AHDC1: variants seen among roughly 807,000 people sequenced by gnomAD.
AHDC1 encodes the protein transcription factor Gibbin.
A neutral mutation model predicts 87.9 loss-of-function variants in AHDC1; 7 were observed. That is an observed-to-expected ratio of 0.08 (90% confidence interval 0.05 to 0.15). AHDC1 has a LOEUF of 0.15. Among genes scored for constraint, AHDC1 ranks in the 10% least tolerant of loss-of-function variants. The probability of loss-of-function intolerance (pLI) is 1.00; values close to 1 mark genes in which losing one functional copy is unlikely to be tolerated. For synonymous variants in AHDC1, 1,051 were observed against 1,006.8 expected, an observed-to-expected ratio of 1.04 and a Z score of -0.83; for missense variants, 1,841 against 2,253.2, an observed-to-expected ratio of 0.82 and a Z score of 3.70.
At chr1:27,594,651 G>A (rs2089315467) in intron 3 of AHDC1, among the ~76,000 whole-genome samples, 2 of 152,182 alleles carry the variant, frequency 1.3e-5, no homozygotes, top group African/African-American at 4.8e-5. Flanking sequence ...CCAGGCAGAG[G>A]AGGCTCTGGG....
rs2019451519 is a variant in AHDC1, at chr1:27,550,111, C to A, written c.2005G>T (p.Gly669Trp). The change falls in exon 8 of 9, where the codon GGG becomes TGG. Residue 669 changes from glycine (G) to tryptophan (W), a missense_variant. By Grantham distance (184) the Gly-to-Trp change is radical. Coordinates refer to ENST00000673934, the MANE Select transcript of AHDC1 (RefSeq NM_001371928.1). ...CCACCAAAACCGCCTGCTTTGCCCC[C>A]ACGCCGCCGGAAGCCCTGCACACGA... ...LHRVQGFRRR[G>W]GKAGGFGGRG... is the part of the protein sequence containing the mutation. The A allele has an allele frequency of 6.2e-7, 1 of 1,610,478 alleles. No individual in the cohort carries two copies. Among genetic ancestry groups the A allele is most frequent in the Non-Finnish European group, 8.5e-7 (1 of 1,179,812 alleles).
chr1:27,545,699 C>T (rs2019131657), intron 8 of AHDC1, among the ~76,000 whole-genome samples: 1 of 150,684 alleles, frequency 6.6e-6, no homozygotes, highest in Non-Finnish European at 1.5e-5. Context: ...AATGGAAGGC[C>T]ATTTTAATCT....
rs1571247436 is a variant in AHDC1 at position 27,552,168 on chromosome 1, T to G, written c.-53A>C. 1 of 1,426,508 alleles carries G rather than the reference T, an allele frequency of 7.0e-7. No individual in the cohort carries two copies. The highest frequency in any genetic ancestry group is 9.2e-7 in the Non-Finnish European group (1 of 1,092,480). The allele number at this position is 1,426,508 out of a possible 1,614,324, so 88.4% of individuals were successfully genotyped here. A position where few individuals can be genotyped will look rare whatever the true frequency, so the allele number is the denominator to read the frequency against. On this transcript the variant is annotated 5_prime_UTR_variant, in exon 8 of 9. Transcript: ENST00000673934. ...GGCGGGGCCGGGGCTGACATGAGGG[T>G]GCGAGAAGCCGGGACCAGGACCTGC...
intron 3 of AHDC1, among the ~76,000 whole-genome samples, chr1:27,591,587 G>A (rs1453666638): frequency 6.6e-6 from 1 of 152,210 alleles, no homozygotes; most frequent in Non-Finnish European, 1.5e-5. Context: ...CAGAGCTGAA[G>A]AGTTTATGGT....
chr1:27,601,226 A>G (rs1319194246), intron 3 of AHDC1, among the ~76,000 whole-genome samples: 2 of 152,280 alleles, frequency 1.3e-5, no homozygotes, highest in South Asian at 2.1e-4. Flanking sequence ...GGATTTTACT[A>G]CAGAAAATAA....
At chr1:27,596,587 C>A (rs552341448) in intron 3 of AHDC1, among the ~76,000 whole-genome samples, 2 of 152,128 alleles carry the variant, frequency 1.3e-5, no homozygotes, top group East Asian at 3.9e-4. Flanking sequence ...CCAATCCAGG[C>A]AACAGGCTCC....
chr1:27,592,103 T>C lies in AHDC1; in HGVS notation c.-629+11294A>G, dbSNP rs539722513. ...TCCCCTATTTGTTAAAGGCCTCTCA[T>C]TAGTGAGCCTAGGCACCTGCCCCTC... On this transcript the variant is annotated intron_variant, in intron 3 of 8. Coordinates refer to ENST00000673934, the MANE Select transcript of AHDC1 (RefSeq NM_001371928.1). 3.5e-4 allele frequency among the ~76,000 whole-genome samples: 53 copies of C among 152,254 alleles called. No homozygotes were observed. In the East Asian group the frequency reaches 9.4e-3, roughly 27 times the overall value.
At chr1:27,604,214 G>A (rs1307213835), upstream of AHDC1, 6 of 151,336 alleles carry the variant, frequency 4.0e-5, no homozygotes, top group Admixed American at 3.9e-4. Flanking sequence ...GGCACGCCGG[G>A]ACTTGTAGTC....
chr1:27,550,994 G>T lies in AHDC1; in HGVS notation c.1122C>A (p.Pro374=). 6.4e-7 allele frequency: 1 copy of T among 1,572,912 alleles called. No individual in the cohort carries two copies. The highest frequency in any genetic ancestry group is 1.4e-5 in the African/African-American group (1 of 74,024). Residue 374 remains proline (P), a synonymous_variant, in exon 8 of 9, where the codon CCC becomes CCA. Coordinates refer to ENST00000673934, the MANE Select transcript of AHDC1 (RefSeq NM_001371928.1). ...CGTACTTGGGGTGACCCTCAGGCCC[G>T]GGGGGGCCGTGCGGTGAGCACAAGT... ...RLDLCSPHGP[P]GPEGHPKYAL...
chr1:27,537,588 CCT>C (rs937606460), intron 8 of AHDC1, among the ~76,000 whole-genome samples: 3 of 152,206 alleles, frequency 2.0e-5, no homozygotes, highest in African/African-American at 7.2e-5. Context: ...CTTAGACCAC[CCT>C]GTTACCATAG....
At chr1:27,569,115 CCAGTGCA>C (rs2020459345) in intron 3 of AHDC1, among the ~76,000 whole-genome samples, 1 of 151,566 alleles carries the variant, frequency 6.6e-6, no homozygotes, top group South Asian at 2.1e-4. Flanking sequence ...CCCCCATCGC[CCAGTGCA>C]CAGCCCTGGG....
At chr1:27,597,003 C>A (rs2089393973) in intron 3 of AHDC1, among the ~76,000 whole-genome samples, 2 of 152,226 alleles carry the variant, frequency 1.3e-5, no homozygotes, top group African/African-American at 2.4e-5. Context: ...ATATGCCTCA[C>A]CACCTTTGAG....
intron 8 of AHDC1, among the ~76,000 whole-genome samples, chr1:27,540,862 T>C (rs1481985857): frequency 6.6e-6 from 1 of 151,582 alleles, no homozygotes; most frequent in Non-Finnish European, 1.5e-5. Flanking sequence ...GCCTTGATTT[T>C]ATAGGCAAGG....
At chr1:27,580,085 G>A (rs1180520215) in intron 3 of AHDC1, among the ~76,000 whole-genome samples, 1 of 152,164 alleles carries the variant, frequency 6.6e-6, no homozygotes, top group Non-Finnish European at 1.5e-5. Flanking sequence ...AACTCCCCTA[G>A]AGAGATCAAG....
chr1:27,559,416 C>T (rs1472709205), intron 3 of AHDC1, among the ~76,000 whole-genome samples: 2 of 152,204 alleles, frequency 1.3e-5, no homozygotes, highest in Non-Finnish European at 2.9e-5. Context: ...CATCTATGTA[C>T]ACACATGCAT....
At chr1:27,602,618 TA>T (rs1162424075) in intron 3 of AHDC1, among the ~76,000 whole-genome samples, 1 of 152,156 alleles carries the variant, frequency 6.6e-6, no homozygotes, top group African/African-American at 2.4e-5. Flanking sequence ...GCTCCCTGCC[TA>T]GGGGGCTGAC....
chr1:27,545,135 G>A lies in AHDC1; in HGVS notation c.*43+2126C>T, dbSNP rs554260080. Among the ~76,000 whole-genome samples the A allele has an allele frequency of 7.9e-5, 12 of 151,430 alleles. No homozygotes were observed. In the East Asian group the frequency reaches 1.4e-3, roughly 17 times the overall value. On this transcript the variant is annotated intron_variant, in intron 8 of 8. Transcript: ENST00000673934. The stretch of plus-strand genomic sequence containing the variant: ...AAGGTCCGGTCAGCATGCTGTGTGC[G>A]CTCACAAGCTTCTAGCTTTTTTCTC...
At chr1:27,573,682 G>A (rs1162193125) in intron 3 of AHDC1, among the ~76,000 whole-genome samples, 1 of 152,168 alleles carries the variant, frequency 6.6e-6, no homozygotes, top group Non-Finnish European at 1.5e-5. Flanking sequence ...AAAGGCAAGG[G>A]AAGGTTACAA....
intron 3 of AHDC1, among the ~76,000 whole-genome samples, chr1:27,566,304 G>A (rs753020267): frequency 3.4e-4 from 51 of 149,412 alleles, no homozygotes; most frequent in Non-Finnish European, 6.6e-4. Context: ...GGGAGGGGGC[G>A]AGAGCCAGAG....
Sources: gnomAD v4.1 joint callset for allele counts (sites outside exome capture counted in the v4.1 genomes callset) on GRCh38, gnomAD v4.1.1 for gene constraint, MANE v1.5 for transcripts, NCBI Gene and HGNC (gene_info 2026-07-23, HGNC 2026-07-21) for gene names.